Variants in TSPAN3 observed in about 807,000 individuals in gnomAD.
TSPAN3 encodes the protein tetraspanin 3, also known as tetraspanin-3.
Under a neutral mutation model 31.1 loss-of-function variants are expected in TSPAN3, and 9 were observed. The ratio of observed to expected loss-of-function variants is 0.29; its 90% CI spans 0.17 to 0.50. The LOEUF is 0.50. Among genes scored for constraint, TSPAN3 ranks in the 20% least tolerant of loss-of-function variants. The pLI is 0.98. For synonymous variants in TSPAN3, 129 were observed against 114.3 expected (o/e 1.13, Z -0.82); for missense variants, 252 against 313.5 (o/e 0.80, Z 1.48).
Position 77,052,393 on chromosome 15 carries a change from C to G in TSPAN3, c.661G>C (p.Ala221Pro), listed in dbSNP as rs2152695663. ...HVIWAALAFAAIQLLGMLCAC... is the reference protein window; with the variant it reads ...HVIWAALAFAPIQLLGMLCAC... Reference sequence around the variant, plus strand: ...TGGCAAGCTGTGCTTACCTGAATAGCTGCAAATGCCAGTGCGGCCCAGATC... The same window carrying G: ...TGGCAAGCTGTGCTTACCTGAATAGGTGCAAATGCCAGTGCGGCCCAGATC... Residue 221 changes from alanine (A) to proline (P), a missense_variant, in exon 6 of 7, where the codon GCT becomes CCT. Coordinates refer to ENST00000267970, the MANE Select transcript of TSPAN3 (RefSeq NM_005724.6). The G allele has an allele frequency of 6.2e-7, 1 of 1,614,198 alleles. No homozygotes were observed. The highest frequency in any genetic ancestry group is 8.5e-7 in the Non-Finnish European group (1 of 1,180,022).
chr15:77,065,332 T>C (rs1366587650), intron 1 of TSPAN3, among the ~76,000 whole-genome samples: 1 of 152,234 alleles, frequency 6.6e-6, no homozygotes, highest in Non-Finnish European at 1.5e-5. Flanking sequence ...ATCAACAATA[T>C]AAGCACAAAG....
intron 4 of TSPAN3, among the ~76,000 whole-genome samples, chr15:77,053,174 C>T (rs1310237562): frequency 6.6e-6 from 1 of 152,014 alleles, no homozygotes; most frequent in Non-Finnish European, 1.5e-5. Flanking sequence ...CCAGACATGG[C>T]TAGTGGCTCC....
intron 1 of TSPAN3, among the ~76,000 whole-genome samples, chr15:77,065,632 T>TA (rs1009442213): frequency 2.0e-5 from 3 of 152,186 alleles, no homozygotes; most frequent in African/African-American, 7.2e-5. Flanking sequence ...TTCACCGTGT[T>TA]AGTCAGGAGG....
At chr15:77,061,476 C>T (rs541328872) in intron 1 of TSPAN3, among the ~76,000 whole-genome samples, 7 of 151,814 alleles carry the variant, frequency 4.6e-5, no homozygotes, top group Admixed American at 2.6e-4. Flanking sequence ...TGCAGTGAGC[C>T]GAGATTGCGC....
chr15:77,070,587 G>T lies in TSPAN3; in HGVS notation c.63+305C>A, dbSNP rs188987305. ...CTCCGTCCAGCCGGCGACTCCGGGG[G>T]GGGGAGACTGGGGCGCCTGGCACGG... is the stretch of plus-strand genomic sequence containing the variant. On this transcript the variant is annotated intron_variant, in intron 1 of 6. Coordinates refer to ENST00000267970, the MANE Select transcript of TSPAN3 (RefSeq NM_005724.6). Among the ~76,000 whole-genome samples the T allele has an allele frequency of 1.9e-4, 29 of 151,722 alleles. No homozygotes were observed. The East Asian group carries it at 3.9e-3, about 20-fold the overall frequency.
chr15:77,052,471 G>GT lies in TSPAN3; in HGVS notation c.586-4dup. On this transcript the variant is annotated splice_polypyrimidine_tract_variant and splice_region_variant and intron_variant, in intron 5 of 6. Coordinates refer to ENST00000267970, the MANE Select transcript of TSPAN3 (RefSeq NM_005724.6). ...TTCACTACTAGAGCCTCACACCCCT[G>GT]TAACAAACACAGTCATCCTCGTTAG... 1 of 1,613,106 alleles carries GT rather than the reference G, an allele frequency of 6.2e-7. No individual in the cohort carries two copies. The highest frequency in any genetic ancestry group is 8.5e-7 in the Non-Finnish European group (1 of 1,179,106).
At position 77,062,331 on chromosome 15, in the gene TSPAN3, C is replaced by T. The variant is rs1568544673; in HGVS notation, c.64-6076G>A. Among the ~76,000 whole-genome samples, 5 of 152,154 alleles carry T rather than the reference C, an allele frequency of 3.3e-5. No individual in the cohort carries two copies. In the South Asian group the frequency reaches 1.0e-3, roughly 32 times the overall value. On this transcript the variant is annotated intron_variant, in intron 1 of 6. Transcript: ENST00000267970. ...ACCATGCTTTCACCTCTGACTTAAT[C>T]TGATAGAACAGTTTACGTCACTAAA...
At position 77,070,943 on chromosome 15, in the gene TSPAN3, G is replaced by A. The variant is rs1317597401; in HGVS notation, c.12C>T (p.Cys4=). 1 of 1,440,230 alleles carries A rather than the reference G, an allele frequency of 6.9e-7. No homozygotes were observed. The allele number at this position is 1,440,230 out of a possible 1,614,324, so 89.2% of individuals were successfully genotyped here. A position where few individuals can be genotyped will look rare whatever the true frequency, so the allele number is the denominator to read the frequency against. ...GCACGGTCTTGGAGGAGGTGATGCC[G>A]CACTGGCCCATGGCGCCGGTGGCCC... MGQ[C]GITSSKTVLV... Residue 4 remains cysteine (C), a synonymous_variant, in exon 1 of 7, where the codon TGC becomes TGT. Transcript: ENST00000267970.
intron 1 of TSPAN3, chr15:77,069,837 T>C (rs551052926): frequency 6.6e-6 from 1 of 152,296 alleles, no homozygotes; most frequent in Non-Finnish European, 1.5e-5. Flanking sequence ...CTGGCGACTG[T>C]GGACAGAGCA....
At chr15:77,053,019 G>A in intron 4 of TSPAN3, 90 bp from the exon 5 acceptor site, 1 of 1,240,428 alleles carries the variant, frequency 8.1e-7, no homozygotes, top group South Asian at 1.5e-5. Flanking sequence ...AGCTACTCTA[G>A]ACCAGTGATG....
chr15:77,056,147 T>C lies in TSPAN3; in HGVS notation c.172A>G (p.Ile58Val). 1 of 1,613,828 alleles carries C rather than the reference T, an allele frequency of 6.2e-7. No individual in the cohort carries two copies. The highest frequency in any genetic ancestry group is 8.5e-7 in the Non-Finnish European group (1 of 1,179,912). Residue 58 changes from isoleucine to valine, a missense_variant, in exon 2 of 7, where the codon ATA becomes GTA. Coordinates refer to ENST00000267970, the MANE Select transcript of TSPAN3 (RefSeq NM_005724.6). ...ATGAAAAGCAGGGCTCCTACAGCTA[T>C]GATCACTACAGCAGGGATGAGCGTG... is the stretch of plus-strand genomic sequence containing the variant. ...VYTLIPAVVI[I>V]AVGALLFIIG...
intron 1 of TSPAN3, among the ~76,000 whole-genome samples, chr15:77,058,431 T>C (rs1207501427): frequency 6.6e-6 from 1 of 152,254 alleles, no homozygotes; most frequent in African/African-American, 2.4e-5. Flanking sequence ...GGGAACTCCT[T>C]GTCGCTCATT....
intron 4 of TSPAN3, 72 bp from the exon 5 acceptor site, chr15:77,053,001 TTAAAA>T: frequency 1.4e-6 from 2 of 1,451,052 alleles, no homozygotes; most frequent in Non-Finnish European, 1.9e-6. Context: ...CTACAGAGCT[TTAAAA>T]TAAGCTACTC....
At chr15:77,053,057 TC>T in intron 4 of TSPAN3, 128 bp from the exon 5 acceptor site, 2 of 931,716 alleles carry the variant, frequency 2.1e-6, no homozygotes, top group Non-Finnish European at 3.1e-6. Flanking sequence ...TAATGGAAAG[TC>T]TGCATGATCC....
chr15:77,050,275 A>G (rs1430292359), intron 6 of TSPAN3, among the ~76,000 whole-genome samples: 1 of 152,194 alleles, frequency 6.6e-6, no homozygotes, highest in African/African-American at 2.4e-5. Flanking sequence ...TTCTCCCCTT[A>G]AAACCCAAGT....
Position 77,055,686 on chromosome 15 carries a change from G to A in TSPAN3, c.330+103C>T, listed in dbSNP as rs2076764263. The A allele has an allele frequency of 6.5e-6, 6 of 917,328 alleles. No individual in the cohort carries two copies. The South Asian group carries it at 8.9e-5, about 14-fold the overall frequency. The allele number at this position is 917,328 out of a possible 1,614,324, so 56.8% of individuals were successfully genotyped here. ...TTGAAATACAGATTAAACAAGTAAG[G>A]CAAAAGAAAATGTTTACTCTGATAA... On this transcript the variant is annotated intron_variant, in intron 3 of 6. Coordinates refer to ENST00000267970, the MANE Select transcript of TSPAN3 (RefSeq NM_005724.6).
chr15:77,059,071 CTTAATT>C (rs1311450726), intron 1 of TSPAN3, among the ~76,000 whole-genome samples: 1 of 151,994 alleles, frequency 6.6e-6, no homozygotes, highest in Non-Finnish European at 1.5e-5. Context: ...TTTAATTTAT[CTTAATT>C]TTATTTTATT....
rs1404764395 is a variant in TSPAN3 at position 77,052,377 on chromosome 15, G to A, written c.669+8C>T. 7 of 1,613,662 alleles carry A rather than the reference G, an allele frequency of 4.3e-6. No individual in the cohort carries two copies. In the African/African-American group the frequency reaches 6.7e-5, roughly 15 times the overall value. ...CTCCGATAGAACTCCTTGGCAAGCT[G>A]TGCTTACCTGAATAGCTGCAAATGC... On this transcript the variant is annotated splice_region_variant and intron_variant, in intron 6 of 6. Coordinates refer to ENST00000267970, the MANE Select transcript of TSPAN3 (RefSeq NM_005724.6).
chr15:77,055,208 TAAG>T (rs2076760899), intron 3 of TSPAN3: 1 of 152,300 alleles, frequency 6.6e-6, no homozygotes, highest in African/African-American at 2.4e-5. Flanking sequence ...TGTTTAGCCT[TAAG>T]TAGTACTACA....
Sources: gnomAD v4.1 joint callset for allele counts (sites outside exome capture counted in the v4.1 genomes callset) on GRCh38, gnomAD v4.1.1 for gene constraint, MANE v1.5 for transcripts, NCBI Gene and HGNC (gene_info 2026-07-23, HGNC 2026-07-21) for gene names.